SHANK2: variants seen among roughly 807,000 people sequenced by gnomAD.
SHANK2 encodes SH3 and multiple ankyrin repeat domains 2, also known as SH3 and multiple ankyrin repeat domains protein 2.
SHANK2 carries 43 observed loss-of-function variants against 133.7 expected under a neutral mutation model. The ratio of observed to expected loss-of-function variants is 0.32; its 90% CI spans 0.25 to 0.41. The LOEUF (loss-of-function observed/expected upper bound fraction) is 0.41. SHANK2 is among the 10% of genes least tolerant of loss of function. SHANK2 has a pLI of 1.00. For synonymous variants in SHANK2, 1,017 were observed against 952.8 expected (o/e 1.07, Z -1.24); for missense variants, 1,994 against 2,235.8 (o/e 0.89, Z 2.18).
At chr11:70,544,402 C>T (rs1024960416) in intron 17 of SHANK2, among the ~76,000 whole-genome samples, 1 of 152,216 alleles carries the variant, frequency 6.6e-6, no homozygotes, top group Admixed American at 6.5e-5. Flanking sequence ...CATTGTTTAG[C>T]CTGGGGTTTG....
intron 14 of SHANK2, among the ~76,000 whole-genome samples, chr11:70,733,716 T>G (rs1464200065): frequency 6.6e-6 from 1 of 151,698 alleles, no homozygotes; most frequent in East Asian, 1.9e-4. Flanking sequence ...GGGTGGCAGG[T>G]AAGTTAGGGT....
At chr11:70,534,079 C>T (rs917052089) in intron 17 of SHANK2, among the ~76,000 whole-genome samples, 5 of 152,166 alleles carry the variant, frequency 3.3e-5, no homozygotes, top group African/African-American at 4.8e-5. Context: ...ATCTGCTAGG[C>T]GCTGCCCTAG....
intron 14 of SHANK2, among the ~76,000 whole-genome samples, chr11:70,788,556 T>C (rs893706253): frequency 2.0e-5 from 3 of 152,226 alleles, no homozygotes; most frequent in East Asian, 1.9e-4. Context: ...ACCAAAAACA[T>C]GGTGTATGCA....
Position 70,746,803 on chromosome 11 carries a change from G to A in SHANK2, c.1778-48040C>T, listed in dbSNP as rs373013104. Among the ~76,000 whole-genome samples the A allele has an allele frequency of 1.7e-4, 10 of 58,770 alleles. No homozygotes were observed. In the South Asian group the frequency reaches 6.3e-3, roughly 37 times the overall value. The allele number at this position is 58,770 out of a possible 152,430, so 38.6% of individuals were successfully genotyped here. On this transcript the variant is annotated intron_variant, in intron 14 of 25. Coordinates refer to ENST00000601538, the MANE Select transcript of SHANK2 (RefSeq NM_012309.5). ...TCCCACCTCAGCTCCTCTATGCCCC[G>A]CTGCCCCCACACTGGGGGAGGGCTC...
At chr11:70,782,075 T>C (rs1168274403) in intron 14 of SHANK2, among the ~76,000 whole-genome samples, 5 of 152,156 alleles carry the variant, frequency 3.3e-5, no homozygotes, top group African/African-American at 4.8e-5. Context: ...GAATACTTAT[T>C]TATTTATTTA....
At chr11:70,902,290 C>T (rs948349392) in intron 10 of SHANK2, among the ~76,000 whole-genome samples, 2 of 152,190 alleles carry the variant, frequency 1.3e-5, no homozygotes, top group Admixed American at 1.3e-4. Context: ...GACATTTAAA[C>T]AAGAGTTATG....
chr11:70,629,143 A>G (rs1319830711), intron 17 of SHANK2, among the ~76,000 whole-genome samples: 1 of 152,034 alleles, frequency 6.6e-6, no homozygotes, highest in Non-Finnish European at 1.5e-5. Flanking sequence ...CTCCTCTGTC[A>G]GTGTTCCAAG....
intron 10 of SHANK2, among the ~76,000 whole-genome samples, chr11:70,931,312 C>T (rs1183483761): frequency 6.6e-6 from 1 of 152,136 alleles, no homozygotes; most frequent in Non-Finnish European, 1.5e-5. Context: ...TGTGAATATA[C>T]CAGAAACCCC....
intron 14 of SHANK2, among the ~76,000 whole-genome samples, chr11:70,757,257 CT>C (rs1250455683): frequency 2.0e-5 from 3 of 152,188 alleles, no homozygotes; most frequent in African/African-American, 7.2e-5. Flanking sequence ...GCTGGCTGAC[CT>C]TGAGCAAGGG....
At chr11:70,547,853 A>C (rs944794531) in intron 17 of SHANK2, among the ~76,000 whole-genome samples, 1 of 152,242 alleles carries the variant, frequency 6.6e-6, no homozygotes, top group African/African-American at 2.4e-5. Flanking sequence ...AGAGAATTTC[A>C]ATGTTCTTGG....
chr11:70,731,458 C>T lies in SHANK2; in HGVS notation c.1778-32695G>A, dbSNP rs182458363. Among the ~76,000 whole-genome samples, 224 of 152,332 alleles carry T rather than the reference C, an allele frequency of 1.5e-3. 3 individuals carry two copies. Among genetic ancestry groups the T allele is most frequent in the African/African-American group, 5.0e-3 (209 of 41,570 alleles). On this transcript the variant is annotated intron_variant, in intron 14 of 25. Coordinates refer to ENST00000601538, the MANE Select transcript of SHANK2 (RefSeq NM_012309.5). ...ACCACTCATCTACTTTCTGTTTCTACGGATTTGCTAATTCTGGGCATTTCA... is the reference window on the plus strand; with the variant it reads ...ACCACTCATCTACTTTCTGTTTCTATGGATTTGCTAATTCTGGGCATTTCA...
chr11:70,725,509 G>A (rs1172710944), intron 14 of SHANK2, among the ~76,000 whole-genome samples: 3 of 152,170 alleles, frequency 2.0e-5, no homozygotes, highest in African/African-American at 7.2e-5. Flanking sequence ...GCTGGAGCCC[G>A]AGGCTAATGA....
At chr11:70,822,474 A>T (rs1555056147) in intron 11 of SHANK2, among the ~76,000 whole-genome samples, 1 of 145,642 alleles carries the variant, frequency 6.9e-6, no homozygotes, top group Non-Finnish European at 1.5e-5. Context: ...AGGGACAAAG[A>T]TGGCACTGGC....
intron 15 of SHANK2, among the ~76,000 whole-genome samples, chr11:70,697,029 G>A (rs538773316): frequency 1.3e-5 from 2 of 152,194 alleles, no homozygotes; most frequent in South Asian, 2.1e-4. Context: ...TGAATACTTC[G>A]GGATTCCACT....
intron 11 of SHANK2, among the ~76,000 whole-genome samples, chr11:70,891,064 C>A (rs561728933): frequency 3.8e-4 from 58 of 152,302 alleles, no homozygotes; most frequent in African/African-American, 9.1e-4. Flanking sequence ...TTTCAGGTAC[C>A]TGACATGTGC....
rs1393564655 is a variant in SHANK2, at chr11:70,804,525, GCACGCCC to G, written c.1663+2470_1663+2476del. On this transcript the variant is annotated intron_variant, in intron 13 of 25. Transcript: ENST00000601538. This position sits in a 1 kb window ranked among gnomAD's most constrained non-coding sequence, Gnocchi z 4.1. ...CCCTGGGAGAAAGGCCCAGCTCCCC[GCACGCCC>G]CACGCTCCTGCGAGGGGCGGGTTCC... Among the ~76,000 whole-genome samples the G allele has an allele frequency of 6.6e-6, 1 of 152,112 alleles. No homozygotes were observed. The highest frequency in any genetic ancestry group is 1.5e-5 in the Non-Finnish European group (1 of 68,004).
chr11:70,773,127 A>G (rs1555043230), intron 14 of SHANK2, among the ~76,000 whole-genome samples: 11 of 152,196 alleles, frequency 7.2e-5, no homozygotes, highest in Non-Finnish European at 1.5e-5. Flanking sequence ...GAGGCCTTCT[A>G]GAACTTGTAG....
chr11:70,730,701 G>T (rs1397945170), intron 14 of SHANK2, among the ~76,000 whole-genome samples: 6 of 152,184 alleles, frequency 3.9e-5, no homozygotes, highest in African/African-American at 1.4e-4. Context: ...GGCTGCTGCG[G>T]CAGGGCCACC....
intron 17 of SHANK2, among the ~76,000 whole-genome samples, chr11:70,585,845 CCCAT>C (rs2060243080): frequency 7.8e-6 from 1 of 127,728 alleles, no homozygotes; most frequent in Non-Finnish European, 1.7e-5. Context: ...CACCCACCCA[CCCAT>C]GCATTTGTCC....
Sources: gnomAD v4.1 joint callset for allele counts (sites outside exome capture counted in the v4.1 genomes callset) on GRCh38, gnomAD v4.1.1 for gene constraint, Gnocchi (gnomAD v3.1) non-coding constraint, MANE v1.5 for transcripts, NCBI Gene and HGNC (gene_info 2026-07-23, HGNC 2026-07-21) for gene names.